The following EFR3B variants were observed in gnomAD, a reference collection of about 807,000 sequenced individuals.
The protein encoded by EFR3B is EFR3 homolog B.
In EFR3B, 64 loss-of-function variants were observed where a neutral mutation model predicts 104.7. The ratio of observed to expected loss-of-function variants is 0.61; its 90% confidence interval spans 0.50 to 0.75. The LOEUF is 0.75. EFR3B is among the 30% of genes least tolerant of loss of function. The probability of loss-of-function intolerance (pLI) is 0.00; values close to 1 mark genes in which losing one functional copy is unlikely to be tolerated. For missense variants in EFR3B, 750 were observed against 1,078.5 expected (o/e 0.70, Z 4.27); for synonymous variants, 385 against 417.9 (o/e 0.92, Z 0.96).
rs1185560611 is a variant in EFR3B at position 25,091,352 on chromosome 2, G to A, written c.35G>A (p.Arg12His). The change falls in exon 2 of 23, where the codon CGC becomes CAC. Residue 12 changes from arginine (R) to histidine (H), a missense_variant. Transcript: ENST00000403714. ...GTGTGTGGCTGCTGTGGTGCCCTACGCCCCAGGTACAAAAGGCTGGTTGAC... is the reference window on the plus strand; with the variant it reads ...GTGTGTGGCTGCTGTGGTGCCCTACACCCCAGGTACAAAAGGCTGGTTGAC... ...YGVCGCCGAL[R>H]PRYKRLVDNI... 10 of 1,549,894 alleles carry A rather than the reference G, an allele frequency of 6.5e-6. No homozygotes were observed. Among genetic ancestry groups the A allele is most frequent in the South Asian group, 1.2e-5 (1 of 83,904 alleles).
At chr2:25,117,679 T>C (rs528389539) in intron 4 of EFR3B, among the ~76,000 whole-genome samples, 1 of 152,268 alleles carries the variant, frequency 6.6e-6, no homozygotes, top group East Asian at 1.9e-4. Flanking sequence ...CCCAAAGTGC[T>C]GGGATTACAG....
At chr2:25,087,293 C>T (rs991606874) in intron 1 of EFR3B, among the ~76,000 whole-genome samples, 1 of 151,916 alleles carries the variant, frequency 6.6e-6, no homozygotes, top group Non-Finnish European at 1.5e-5. Flanking sequence ...TGGGTAGGGA[C>T]ACAGCCAAAC....
At chr2:25,062,283 A>C (rs1164352860) in intron 1 of EFR3B, among the ~76,000 whole-genome samples, 1 of 152,224 alleles carries the variant, frequency 6.6e-6, no homozygotes, top group East Asian at 1.9e-4. Flanking sequence ...GAAATCAGAT[A>C]GTTGGGCCAG....
chr2:25,054,541 C>A (rs551651495), intron 1 of EFR3B, among the ~76,000 whole-genome samples: 2 of 152,044 alleles, frequency 1.3e-5, no homozygotes, highest in Admixed American at 1.3e-4. Flanking sequence ...TGGCCTTGAA[C>A]GCCTGATCTC....
In EFR3B at chr2:25,154,698, G is replaced by A. The variant is rs560759676; in HGVS notation, c.*358G>A. On this transcript the variant is annotated 3_prime_UTR_variant, in exon 23 of 23. Transcript: ENST00000403714. The surrounding 1 kb of genome is among the most constrained non-coding windows in gnomAD (Gnocchi z 4.1). ...GAAGGGCATGTCCTCCCCAGAGGAC[G>A]GAGCTGGATGGAGACTTGGTTGGTG... 3.5e-5 allele frequency: 7 copies of A among 200,574 alleles called. No homozygotes were observed. Among genetic ancestry groups the A allele is most frequent in the South Asian group, 1.4e-4 (1 of 7,332 alleles). 12.4% of individuals were successfully genotyped at this position (200,574 alleles called of 1,614,324 possible).
chr2:25,131,564 G>T lies in EFR3B; in HGVS notation c.985+61G>T. Reference sequence around the variant, plus strand: ...CCCGCGGAGGCTGCCGCCTCTTACAGAGAGAGGCAAGGGACAACAGGGAGG... The same window carrying T: ...CCCGCGGAGGCTGCCGCCTCTTACATAGAGAGGCAAGGGACAACAGGGAGG... On this transcript the variant is annotated intron_variant, in intron 9 of 22. Coordinates refer to ENST00000403714, the MANE Select transcript of EFR3B (RefSeq NM_014971.2). This position sits in a 1 kb window ranked among gnomAD's most constrained non-coding sequence, Gnocchi z 7.6. 6.5e-7 allele frequency: 1 copy of T among 1,541,244 alleles called. No individual in the cohort carries two copies.
At chr2:25,054,641 A>G (rs1434574795) in intron 1 of EFR3B, among the ~76,000 whole-genome samples, 2 of 152,196 alleles carry the variant, frequency 1.3e-5, no homozygotes, top group East Asian at 3.8e-4. Flanking sequence ...CTTCTGAAAT[A>G]TAGCCATACC....
At chr2:25,132,230 G>A (rs1670364845) in intron 10 of EFR3B, among the ~76,000 whole-genome samples, 1 of 152,212 alleles carries the variant, frequency 6.6e-6, no homozygotes, top group Non-Finnish European at 1.5e-5. Flanking sequence ...GGGCCTGAGC[G>A]ACAGCGCAAG....
intron 1 of EFR3B, chr2:25,080,126 G>A: frequency 9.3e-7 from 1 of 1,078,294 alleles, no homozygotes; most frequent in Non-Finnish European, 1.4e-6. Context: ...ACTATACCCT[G>A]TGCAATAACA....
Position 25,093,093 on chromosome 2 carries a change from G to T in EFR3B, c.175G>T (p.Glu59Ter). 1.3e-6 allele frequency: 2 copies of T among 1,551,832 alleles called. No individual in the cohort carries two copies. Among genetic ancestry groups the T allele is most frequent in the Non-Finnish European group, 1.7e-6 (2 of 1,147,114 alleles). The change falls in exon 3 of 23, where the codon GAG becomes TAG. Residue 59 changes from glutamate to a stop codon, truncating the protein, a stop_gained. Transcript: ENST00000403714. LOFTEE classifies it high-confidence loss of function. Reference protein sequence around the residue: ...KLDRIGAYLSERLIRDVGRHR... With the variant: ...KLDRIGAYLS ...TGATCGTATTGGCGCCTACCTCTCTGAGAGGCTCATCCGTGACGTGGGTCG... is the reference window on the plus strand; with the variant it reads ...TGATCGTATTGGCGCCTACCTCTCTTAGAGGCTCATCCGTGACGTGGGTCG...
chr2:25,072,173 C>T (rs1573180763), intron 1 of EFR3B, among the ~76,000 whole-genome samples: 1 of 152,346 alleles, frequency 6.6e-6, no homozygotes, highest in East Asian at 1.9e-4. Flanking sequence ...TCTCCCTCTG[C>T]GTGTTGGCAG....
At chr2:25,121,371 C>G (rs1377142197) in intron 4 of EFR3B, among the ~76,000 whole-genome samples, 1 of 152,212 alleles carries the variant, frequency 6.6e-6, no homozygotes, top group East Asian at 1.9e-4. Context: ...TTGTGCAGCT[C>G]TGGATGGAGC....
chr2:25,151,428 G>T (rs1165432063), intron 20 of EFR3B, among the ~76,000 whole-genome samples: 1 of 151,904 alleles, frequency 6.6e-6, no homozygotes, highest in Non-Finnish European at 1.5e-5. Context: ...GCTAATTTTT[G>T]TATTTTTAGT....
intron 1 of EFR3B, among the ~76,000 whole-genome samples, chr2:25,065,334 C>A (rs1216445654): frequency 1.3e-5 from 2 of 150,492 alleles, no homozygotes; most frequent in Non-Finnish European, 3.0e-5. Flanking sequence ...GTGCGCATCA[C>A]CACACCCAGC....
In EFR3B at chr2:25,130,709, C is replaced by T; in HGVS notation, c.849+79C>T. The T allele has an allele frequency of 7.5e-7, 1 of 1,327,664 alleles. No homozygotes were observed. Among genetic ancestry groups the T allele is most frequent in the Non-Finnish European group, 1.1e-6 (1 of 945,300 alleles). The allele number at this position is 1,327,664 out of a possible 1,614,324, so 82.2% of individuals were successfully genotyped here. ...GCTAGACGGGTGCTAAAATAGAAAG[C>T]CAGAAGTCCCCTGTGACTCCTCCGA... On this transcript the variant is annotated intron_variant, in intron 8 of 22. Coordinates refer to ENST00000403714, the MANE Select transcript of EFR3B (RefSeq NM_014971.2). The surrounding 1 kb of genome is among the most constrained non-coding windows in gnomAD (Gnocchi z 4.6).
At chr2:25,128,361 T>C in intron 6 of EFR3B, 29 bp downstream of exon 6, 2 of 1,550,808 alleles carry the variant, frequency 1.3e-6, no homozygotes, top group East Asian at 2.4e-5. Context: ...GGCAGGACAG[T>C]AGATATAATC....
At chr2:25,058,764 GCCC>G (rs35001093) in intron 1 of EFR3B, among the ~76,000 whole-genome samples, 1 of 106,314 alleles carries the variant, frequency 9.4e-6, no homozygotes, top group African/African-American at 4.9e-5. Flanking sequence ...GTCTCCCCGC[GCCC>G]CCCCCCCCAA....
chr2:25,098,481 G>A (rs2149188494), intron 3 of EFR3B, among the ~76,000 whole-genome samples: 1 of 152,278 alleles, frequency 6.6e-6, no homozygotes, highest in East Asian at 1.9e-4. Flanking sequence ...TCAGATCTCT[G>A]CTGGTAGTAA....
chr2:25,102,860 T>A (rs1464235163), intron 3 of EFR3B, among the ~76,000 whole-genome samples: 1 of 152,094 alleles, frequency 6.6e-6, no homozygotes, highest in Non-Finnish European at 1.5e-5. Flanking sequence ...AAAAAAAAAA[T>A]TATTCTGTGT....
Sources: allele counts gnomAD v4.1 joint callset (sites outside exome capture counted in the v4.1 genomes callset), GRCh38; gene constraint gnomAD v4.1.1; non-coding constraint Gnocchi (gnomAD v3.1); transcripts MANE v1.5; gene names NCBI Gene and HGNC (gene_info 2026-07-23, HGNC 2026-07-21).